Variants in ANGPTL4 observed in about 807,000 individuals in gnomAD.
ANGPTL4 encodes the protein angiopoietin like 4.
ANGPTL4 carries 39 observed loss-of-function variants against 39.2 expected under a neutral mutation model. The ratio of observed to expected loss-of-function variants is 1.00; its 90% CI spans 0.77 to 1.30. ANGPTL4 has a LOEUF of 1.30. ANGPTL4 is among the 50% of genes most tolerant of loss of function. The probability of loss-of-function intolerance (pLI) is 0.00; values close to 1 mark genes in which losing one functional copy is unlikely to be tolerated. For synonymous variants in ANGPTL4, 233 were observed against 229.5 expected, an observed-to-expected ratio of 1.02 and a Z score of -0.14; for missense variants, 545 against 549.8, an observed-to-expected ratio of 0.99 and a Z score of 0.09.
rs760847575 is a variant in ANGPTL4 at position 8,364,375 on chromosome 19, C to T, written c.54C>T (p.Ala18=). Residue 18 remains alanine (A), a synonymous_variant, in exon 1 of 7, where the codon GCC becomes GCT. Coordinates refer to ENST00000301455, the MANE Select transcript of ANGPTL4 (RefSeq NM_139314.3). ...CCCTGATGCTCTGCGCCGCCACCGC[C>T]GTGCTACTGAGCGCTCAGGGCGGAC... ...GAALMLCAAT[A]VLLSAQGGPV... is the part of the protein sequence containing the mutation. 1.9e-6 allele frequency: 3 copies of T among 1,547,404 alleles called. No individual in the cohort carries two copies. The highest frequency in any genetic ancestry group is 2.4e-5 in the South Asian group (2 of 84,558).
chr19:8,366,495 C>A (rs1242496803), intron 3 of ANGPTL4, among the ~76,000 whole-genome samples, 176 bp downstream of exon 3: 1 of 152,096 alleles, frequency 6.6e-6, no homozygotes, highest in African/African-American at 2.4e-5. Context: ...TCAGCCCTGA[C>A]CTGGCCCAGC....
intron 4 of ANGPTL4, among the ~76,000 whole-genome samples, chr19:8,370,713 A>C (rs569426719): frequency 2.0e-5 from 3 of 151,812 alleles, no homozygotes; most frequent in Non-Finnish European, 2.9e-5. Flanking sequence ...AAAAAAAAAA[A>C]AAAAAAAAGA....
intron 3 of ANGPTL4, 45 bp downstream of exon 3, chr19:8,366,364 C>A: frequency 1.3e-6 from 2 of 1,582,966 alleles, no homozygotes; most frequent in Non-Finnish European, 8.6e-7. Context: ...ACCCCTACCC[C>A]GCCACTTGCC....
At position 8,366,270 on chromosome 19, in the gene ANGPTL4, C is replaced by T. The variant is rs986518256; in HGVS notation, c.498C>T (p.Pro166=). 20 of 1,614,076 alleles carry T rather than the reference C, an allele frequency of 1.2e-5. No homozygotes were observed. Among genetic ancestry groups the T allele is most frequent in the East Asian group, 6.7e-5 (3 of 44,872 alleles). The stretch of plus-strand genomic sequence containing the variant: ...AGCCTGCCCGAAGAAAGAGGCTGCC[C>T]GAGATGGCCCAGCCAGTTGACCCGG... The part of the protein sequence containing the change: ...VAKPARRKRL[P]EMAQPVDPAH... The change falls in exon 3 of 7, where the codon CCC becomes CCT. Residue 166 remains proline (P), a synonymous_variant. Coordinates refer to ENST00000301455, the MANE Select transcript of ANGPTL4 (RefSeq NM_139314.3).
chr19:8,373,863 A>G lies in ANGPTL4; in HGVS notation c.1198A>G (p.Met400Val), dbSNP rs1441486680. 1.2e-6 allele frequency: 2 copies of G among 1,613,572 alleles called. No individual in the cohort carries two copies. Among genetic ancestry groups the G allele is most frequent in the Non-Finnish European group, 1.7e-6 (2 of 1,179,944 alleles). The change falls in exon 7 of 7, where the codon ATG becomes GTG. Residue 400 changes from methionine to valine, a missense_variant. Physicochemically the swap from Met to Val is conservative, Grantham distance 21. Coordinates refer to ENST00000301455, the MANE Select transcript of ANGPTL4 (RefSeq NM_139314.3). ...LQATTMLIQP[M>V]AAEAAS ...GGCCACCACCATGTTGATCCAGCCC[A>G]TGGCAGCAGAGGCAGCCTCCTAGCG...
At chr19:8,367,687 C>T (rs1256215983) in intron 3 of ANGPTL4, among the ~76,000 whole-genome samples, 1 of 152,186 alleles carries the variant, frequency 6.6e-6, no homozygotes, top group Admixed American at 6.5e-5. Context: ...CTCCTCCCTC[C>T]CTCTTTCTTT....
chr19:8,372,699 TG>T (rs1971147560), intron 6 of ANGPTL4, among the ~76,000 whole-genome samples: 1 of 151,610 alleles, frequency 6.6e-6, no homozygotes, highest in South Asian at 2.1e-4. Context: ...GAGGCTGAGT[TG>T]GGAGGATCTC....
In ANGPTL4 at chr19:8,373,923, C is replaced by T. The variant is rs780917351; in HGVS notation, c.*37C>T. ...GGCCTGGTCCCAGGCCCACGAAAGA[C>T]GGTGACTCTTGGCTCTGCCCGAGGA... On this transcript the variant is annotated 3_prime_UTR_variant, in exon 7 of 7. Coordinates refer to ENST00000301455, the MANE Select transcript of ANGPTL4 (RefSeq NM_139314.3). The T allele has an allele frequency of 1.6e-5, 25 of 1,605,628 alleles. No homozygotes were observed. Among genetic ancestry groups the T allele is most frequent in the South Asian group, 3.3e-5 (3 of 90,890 alleles).
Position 8,371,210 on chromosome 19 carries a change from C to A in ANGPTL4, c.758-31C>A, listed in dbSNP as rs766875709. 5 of 1,614,154 alleles carry A rather than the reference C, an allele frequency of 3.1e-6. No homozygotes were observed. The East Asian group carries it at 8.9e-5, about 29-fold the overall frequency. On this transcript the variant is annotated intron_variant, in intron 5 of 6. Transcript: ENST00000301455. This position sits in a 1 kb window ranked among gnomAD's most constrained non-coding sequence, Gnocchi z 5.1. ...GGAAGAGGGACCCTCAGAAGTGGCC[C>A]TGCCTCATGGAGTGGCCTCTCCCAC...
intron 3 of ANGPTL4, among the ~76,000 whole-genome samples, chr19:8,367,007 C>T (rs935168606): frequency 1.3e-5 from 2 of 151,848 alleles, no homozygotes; most frequent in African/African-American, 4.8e-5. Flanking sequence ...TGCAGACTCG[C>T]GGTTCTCTAA....
At position 8,364,506 on chromosome 19, in the gene ANGPTL4, C is replaced by G; in HGVS notation, c.185C>G (p.Thr62Ser). 1 of 1,564,468 alleles carries G rather than the reference C, an allele frequency of 6.4e-7. No homozygotes were observed. Among genetic ancestry groups the G allele is most frequent in the South Asian group, 1.2e-5 (1 of 85,258 alleles). ...GGGCTGCGCGAACACGCGGAGCGCACCCGCAGTCAGCTGAGCGCGCTGGAG... is the reference window on the plus strand; with the variant it reads ...GGGCTGCGCGAACACGCGGAGCGCAGCCGCAGTCAGCTGAGCGCGCTGGAG... ...GQGLREHAERTRSQLSALERR... is the reference protein window; with the variant it reads ...GQGLREHAERSRSQLSALERR... The change falls in exon 1 of 7, where the codon ACC becomes AGC. Residue 62 changes from threonine to serine, a missense_variant. By Grantham distance (58) the Thr-to-Ser change is moderately conservative. Transcript: ENST00000301455.
chr19:8,374,015 G>T lies in ANGPTL4; in HGVS notation c.*129G>T. The T allele has an allele frequency of 9.7e-7, 1 of 1,033,142 alleles. No homozygotes were observed. The highest frequency in any genetic ancestry group is 1.4e-5 in the South Asian group (1 of 73,304). The allele number at this position is 1,033,142 out of a possible 1,614,324, so 64.0% of individuals were successfully genotyped here. ...CATCTGGAAACTTGTGGACAGAGAAGAAGACCACGACTGGAGAAGCCCCCT... is the reference window on the plus strand; with the variant it reads ...CATCTGGAAACTTGTGGACAGAGAATAAGACCACGACTGGAGAAGCCCCCT... On this transcript the variant is annotated 3_prime_UTR_variant, in exon 7 of 7. Coordinates refer to ENST00000301455, the MANE Select transcript of ANGPTL4 (RefSeq NM_139314.3).
At chr19:8,369,401 CA>C in intron 4 of ANGPTL4, 69 bp downstream of exon 4, 1 of 1,073,396 alleles carries the variant, frequency 9.3e-7, no homozygotes, top group South Asian at 1.3e-5. Context: ...AAATTGAAAA[CA>C]AAACAAAACA....
chr19:8,371,036 C>T lies in ANGPTL4; in HGVS notation c.662-20C>T. ...TCTGTGAAGAGGGACTTCCTGGTGACCTTGTACCTTTCTGGGCAGATGGAG... is the reference window on the plus strand; with the variant it reads ...TCTGTGAAGAGGGACTTCCTGGTGATCTTGTACCTTTCTGGGCAGATGGAG... On this transcript the variant is annotated intron_variant, in intron 4 of 6. Coordinates refer to ENST00000301455, the MANE Select transcript of ANGPTL4 (RefSeq NM_139314.3). This position sits in a 1 kb window ranked among gnomAD's most constrained non-coding sequence, Gnocchi z 5.1. 1.3e-6 allele frequency: 2 copies of T among 1,570,444 alleles called. No individual in the cohort carries two copies. Among genetic ancestry groups the T allele is most frequent in the Non-Finnish European group, 8.6e-7 (1 of 1,157,166 alleles).
rs990583455 is a variant in ANGPTL4 at position 8,371,063 on chromosome 19, C to T, written c.669C>T (p.Gly223=). 6.3e-7 allele frequency: 1 copy of T among 1,594,844 alleles called. No homozygotes were observed. The highest frequency in any genetic ancestry group is 8.5e-7 in the Non-Finnish European group (1 of 1,170,510). The change falls in exon 5 of 7, where the codon GGC becomes GGT. Residue 223 remains glycine (G), a synonymous_variant. Coordinates refer to ENST00000301455, the MANE Select transcript of ANGPTL4 (RefSeq NM_139314.3). The surrounding 1 kb of genome is among the most constrained non-coding windows in gnomAD (Gnocchi z 5.1). ...TTGTACCTTTCTGGGCAGATGGAGG[C>T]TGGACAGTAATTCAGAGGCGCCACG... The part of the protein sequence containing the change: ...LVNCKMTSDG[G]WTVIQRRHDG...
Position 8,364,534 on chromosome 19 carries a change from G to C in ANGPTL4, c.213G>C (p.Arg71=), listed in dbSNP as rs755548817. 3 of 1,570,106 alleles carry C rather than the reference G, an allele frequency of 1.9e-6. No individual in the cohort carries two copies. In the East Asian group the frequency reaches 7.1e-5, roughly 37 times the overall value. The change falls in exon 1 of 7, where the codon CGG becomes CGC. Residue 71 remains arginine, a synonymous_variant. Coordinates refer to ENST00000301455, the MANE Select transcript of ANGPTL4 (RefSeq NM_139314.3). Reference sequence around the variant, plus strand: ...GCAGTCAGCTGAGCGCGCTGGAGCGGCGCCTGAGCGCGTGCGGGTCCGCCT... The same window carrying C: ...GCAGTCAGCTGAGCGCGCTGGAGCGCCGCCTGAGCGCGTGCGGGTCCGCCT... ...RTRSQLSALE[R]RLSACGSACQ... is the part of the protein sequence containing the mutation.
Position 8,371,241 on chromosome 19 carries a change from G to A in ANGPTL4, c.758G>A (p.Gly253Asp). ...AYKAGFGDPH[G>D]EFWLGLEKVH... ...CATGGAGTGGCCTCTCCCACTCCAG[G>A]CGAGTTCTGGCTGGGTCTGGAGAAG... The change falls in exon 6 of 7, where the codon GGC becomes GAC. Residue 253 changes from glycine to aspartate, a missense_variant and splice_region_variant. Physicochemically the swap from Gly to Asp is moderately conservative, Grantham distance 94. Transcript: ENST00000301455. The surrounding 1 kb of genome is among the most constrained non-coding windows in gnomAD (Gnocchi z 5.1). 6.2e-7 allele frequency: 1 copy of A among 1,614,102 alleles called. No individual in the cohort carries two copies. The highest frequency in any genetic ancestry group is 1.3e-5 in the African/African-American group (1 of 75,058).
intron 1 of ANGPTL4, 131 bp from the exon 2 acceptor site, chr19:8,365,821 GAA>G: frequency 1.3e-6 from 1 of 751,104 alleles, no homozygotes; most frequent in South Asian, 1.5e-5. Context: ...CCGTCATTGG[GAA>G]AAAAAAGAAA....
intron 4 of ANGPTL4, among the ~76,000 whole-genome samples, chr19:8,369,757 T>C (rs1473014364): frequency 1.3e-5 from 2 of 152,058 alleles, no homozygotes; most frequent in Non-Finnish European, 2.9e-5. Context: ...CCTGGCCTCT[T>C]TTCTTTAAAA....
Sources: allele counts gnomAD v4.1 joint callset (sites outside exome capture counted in the v4.1 genomes callset), GRCh38; gene constraint gnomAD v4.1.1; non-coding constraint Gnocchi (gnomAD v3.1); transcripts MANE v1.5; gene names NCBI Gene and HGNC (gene_info 2026-07-23, HGNC 2026-07-21).